The following KIAA0825 variants were observed in gnomAD, a reference collection of about 807,000 sequenced individuals.
KIAA0825 encodes the protein uncharacterized protein KIAA0825.
In KIAA0825, 119 loss-of-function variants were observed where a neutral mutation model predicts 147.6. The observed-to-expected ratio is 0.81, with a 90% CI of 0.69 to 0.94. The LOEUF (loss-of-function observed/expected upper bound fraction) is 0.94, where lower values mean the gene tolerates loss of function less well. Among genes scored for constraint, KIAA0825 ranks in the 40% least tolerant of loss-of-function variants. The pLI is 0.00. For missense variants in KIAA0825, 1,381 were observed against 1,472.7 expected (o/e 0.94, Z 1.02); for synonymous variants, 470 against 518.1 (o/e 0.91, Z 1.26).
In KIAA0825 at chr5:94,378,242, A is replaced by T. The variant is rs60596755; in HGVS notation, c.3710+6126T>A. 6.7e-3 allele frequency among the ~76,000 whole-genome samples: 1,018 copies of T among 152,148 alleles called. 13 individuals are homozygous for T. Among genetic ancestry groups the T allele is most frequent in the African/African-American group, 0.023 (954 of 41,532 alleles). ...ATAGCACCTGACAGGTAGCTTTTTG[A>T]TCTTCCTCCTCCCACTCCCTACCCT... On this transcript the variant is annotated intron_variant, in intron 20 of 20. Coordinates refer to ENST00000682413, the MANE Select transcript of KIAA0825 (RefSeq NM_001145678.3).
At chr5:94,349,675 T>C (rs1265916293) in intron 20 of KIAA0825, among the ~76,000 whole-genome samples, 1 of 152,200 alleles carries the variant, frequency 6.6e-6, no homozygotes, top group Non-Finnish European at 1.5e-5. Context: ...AACCTGCTCC[T>C]GAATGAGCAC....
At chr5:94,422,972 C>G (rs1754390447) in intron 14 of KIAA0825, among the ~76,000 whole-genome samples, 1 of 152,188 alleles carries the variant, frequency 6.6e-6, no homozygotes, top group Non-Finnish European at 1.5e-5. Flanking sequence ...AGTGACTCAT[C>G]TGAGTGTTGA....
chr5:94,602,919 C>T (rs1377257532), intron 1 of KIAA0825, among the ~76,000 whole-genome samples: 1 of 151,742 alleles, frequency 6.6e-6, no homozygotes, highest in Non-Finnish European at 1.5e-5. Flanking sequence ...ACCTCTGCCA[C>T]CCGGGTTCAA....
intron 20 of KIAA0825, among the ~76,000 whole-genome samples, chr5:94,281,142 C>T (rs1035420438): frequency 1.5e-4 from 23 of 150,774 alleles, no homozygotes; most frequent in Admixed American, 4.6e-4. Context: ...AGGCTCTTTT[C>T]GATGGAGACA....
intron 1 of KIAA0825, among the ~76,000 whole-genome samples, chr5:94,597,561 C>T (rs1785534502): frequency 6.6e-6 from 1 of 152,070 alleles, no homozygotes; most frequent in Non-Finnish European, 1.5e-5. Flanking sequence ...AGGAAAGAAA[C>T]CTTTCCAAGA....
rs183368052 is a variant in KIAA0825, at chr5:94,304,719, A to G, written c.3710+79649T>C. Among the ~76,000 whole-genome samples, 764 of 152,186 alleles carry G rather than the reference A, an allele frequency of 5.0e-3. 7 individuals carry two copies. The highest frequency in any genetic ancestry group is 0.018 in the African/African-American group (739 of 41,562). On this transcript the variant is annotated intron_variant, in intron 20 of 20. Transcript: ENST00000682413. The stretch of plus-strand genomic sequence containing the variant: ...GGAAATAAATTTTTTATTTTAAAAA[A>G]TAAGTATATTTGAATACTAAATTAA...
At position 94,462,408 on chromosome 5, in the gene KIAA0825, G is replaced by T; in HGVS notation, c.2225C>A (p.Ser742Ter). 1 of 1,445,496 alleles carries T rather than the reference G, an allele frequency of 6.9e-7. No homozygotes were observed. The highest frequency in any genetic ancestry group is 9.4e-7 in the Non-Finnish European group (1 of 1,063,348). 89.5% of individuals were successfully genotyped at this position (1,445,496 alleles called of 1,614,324 possible). Residue 742 changes from serine to a stop codon, truncating the protein, a stop_gained, in exon 12 of 21, where the codon TCA becomes TAA. Transcript: ENST00000682413. LOFTEE classifies it high-confidence loss of function. Reference sequence around the variant, plus strand: ...TTACTTATATAATTCTGTTAATGGTGAAGTCAAAATGACTAATGTTGTAAA... The same window carrying T: ...TTACTTATATAATTCTGTTAATGGTTAAGTCAAAATGACTAATGTTGTAAA... ...NLFTTLVILT[S>*]PLTELYKTFQ... is the part of the protein sequence containing the mutation.
intron 14 of KIAA0825, among the ~76,000 whole-genome samples, chr5:94,426,048 T>TATTATTATG (rs1363612947): frequency 1.3e-5 from 2 of 150,310 alleles, no homozygotes. Flanking sequence ...TTATTATTAT[T>TATTATTATG]ATTATAGAGA....
chr5:94,532,213 C>A (rs534574941), intron 3 of KIAA0825, among the ~76,000 whole-genome samples: 1 of 152,254 alleles, frequency 6.6e-6, no homozygotes, highest in African/African-American at 2.4e-5. Context: ...AGTGGTGCAA[C>A]GAGAGCTCAC....
chr5:94,231,096 C>A (rs75327347), intron 20 of KIAA0825, among the ~76,000 whole-genome samples: 6,815 of 152,124 alleles, frequency 0.045, 209 homozygotes, highest in East Asian at 0.16. Context: ...ATGAAAAATT[C>A]TGAAATTTTT....
Position 94,417,362 on chromosome 5 carries a change from TGTTCTTGAAAGGTAC to T in KIAA0825, c.2498-12_2500del. 7 of 1,542,398 alleles carry T rather than the reference TGTTCTTGAAAGGTAC, an allele frequency of 4.5e-6. No individual in the cohort carries two copies. In the South Asian group the frequency reaches 7.2e-5, roughly 16 times the overall value. On this transcript the variant is annotated splice_acceptor_variant and splice_polypyrimidine_tract_variant and coding_sequence_variant and intron_variant, in exon 15 of 21. Transcript: ENST00000682413. LOFTEE classifies it high-confidence loss of function. ...CAGGTTATTTTCTGTGTCGGAAACT[TGTTCTTGAAAGGTAC>T]GTTCTTGAAAGGAATCAAAATGATT...
chr5:94,417,227 A>C lies in KIAA0825; in HGVS notation c.2636T>G (p.Leu879Ter). ...VFVSYMEEEQ[L>*]WDFLYNIPVS... ...TGGGATGTTATATAAAAAGTCCCAT[A>C]ATTGCTCTTCTTCCATGTAGCTCAC... Residue 879 changes from leucine (L) to a stop codon, truncating the protein, a stop_gained, in exon 15 of 21, where the codon TTA becomes TGA. Coordinates refer to ENST00000682413, the MANE Select transcript of KIAA0825 (RefSeq NM_001145678.3). LOFTEE classifies it high-confidence loss of function. 1 of 1,550,978 alleles carries C rather than the reference A, an allele frequency of 6.4e-7. No individual in the cohort carries two copies. The highest frequency in any genetic ancestry group is 8.7e-7 in the Non-Finnish European group (1 of 1,146,516).
intron 20 of KIAA0825, among the ~76,000 whole-genome samples, chr5:94,204,054 C>G (rs1771938498): frequency 6.6e-6 from 1 of 152,034 alleles, no homozygotes; most frequent in African/African-American, 2.4e-5. Context: ...CTGTGAATAA[C>G]TAATTCAGCT....
intron 20 of KIAA0825, among the ~76,000 whole-genome samples, chr5:94,323,348 A>G (rs1353733482): frequency 6.6e-6 from 1 of 151,958 alleles, no homozygotes; most frequent in Non-Finnish European, 1.5e-5. Context: ...ATCTATGAAA[A>G]TAAAACATTT....
intron 5 of KIAA0825, chr5:94,519,961 TC>T: frequency 9.9e-7 from 1 of 1,010,542 alleles, no homozygotes. Flanking sequence ...ACACACAGTT[TC>T]ACAAATACTG....
chr5:94,244,207 A>G (rs547698030), intron 20 of KIAA0825, among the ~76,000 whole-genome samples: 13 of 152,310 alleles, frequency 8.5e-5, no homozygotes, highest in Middle Eastern at 3.4e-3. Flanking sequence ...TTCGTAAACT[A>G]TATTTCTACT....
At chr5:94,241,207 T>C (rs867338542) in intron 20 of KIAA0825, among the ~76,000 whole-genome samples, 13 of 152,222 alleles carry the variant, frequency 8.5e-5, no homozygotes, top group Non-Finnish European at 1.8e-4. Context: ...CTATCTCATT[T>C]GGCCCTTCTA....
intron 2 of KIAA0825, chr5:94,568,142 A>G (rs1779095442): frequency 6.2e-6 from 1 of 161,164 alleles, no homozygotes; most frequent in Admixed American, 6.4e-5. Context: ...CTTCAAAGCC[A>G]TATTATTTAT....
At chr5:94,295,749 A>G (rs1485790365) in intron 20 of KIAA0825, among the ~76,000 whole-genome samples, 1 of 152,208 alleles carries the variant, frequency 6.6e-6, no homozygotes, top group East Asian at 1.9e-4. Flanking sequence ...TATCACCAGC[A>G]GAGGCTGCAG....
Sources: allele counts gnomAD v4.1 joint callset (sites outside exome capture counted in the v4.1 genomes callset), GRCh38; gene constraint gnomAD v4.1.1; transcripts MANE v1.5; gene names NCBI Gene and HGNC (gene_info 2026-07-23, HGNC 2026-07-21).